Variants in KLRK1 observed in about 807,000 individuals in gnomAD.
KLRK1 encodes the protein NKG2-D type II integral membrane protein.
KLRK1 carries 40 observed loss-of-function variants against 31.3 expected under a neutral mutation model. The observed-to-expected ratio is 1.28, with a 90% CI of 0.99 to 1.67. The LOEUF is 1.67. Ranked by LOEUF, KLRK1 falls within the 40% of genes most tolerant of loss-of-function variation. The pLI is 0.00. For missense variants in KLRK1, 251 were observed against 260.0 expected (o/e 0.97, Z 0.24); for synonymous variants, 77 against 77.3 (o/e 1.00, Z 0.02).
Position 10,373,137 on chromosome 12 carries a change from T to A in KLRK1, c.628A>T (p.Ile210Phe). Residue 210 changes from isoleucine to phenylalanine, a missense_variant, in exon 8 of 8, where the codon ATC becomes TTC. Transcript: ENST00000240618. ...IENCSTPNTY[I>F]CMQRTV ...CTTTACACAGTCCTTTGCATGCAGATGTACGTATTTGGAGTTGAACAGTTT... is the reference window on the plus strand; with the variant it reads ...CTTTACACAGTCCTTTGCATGCAGAAGTACGTATTTGGAGTTGAACAGTTT... The A allele has an allele frequency of 3.1e-6, 5 of 1,612,846 alleles. No homozygotes were observed. The highest frequency in any genetic ancestry group is 4.2e-6 in the Non-Finnish European group (5 of 1,179,506).
At chr12:10,377,251 T>C (rs1344299483) in intron 7 of KLRK1, among the ~76,000 whole-genome samples, 1 of 152,156 alleles carries the variant, frequency 6.6e-6, no homozygotes, top group African/African-American at 2.4e-5. Flanking sequence ...TGGATAACAG[T>C]GTGGCACTTT....
chr12:10,384,372 C>A (rs920907161), intron 3 of KLRK1, among the ~76,000 whole-genome samples: 5 of 151,954 alleles, frequency 3.3e-5, no homozygotes, highest in Admixed American at 6.6e-5. Flanking sequence ...CTACAACAAC[C>A]AAAACAGTAT....
intron 3 of KLRK1, among the ~76,000 whole-genome samples, chr12:10,385,537 A>G (rs1266343128): frequency 6.6e-6 from 1 of 152,062 alleles, no homozygotes; most frequent in African/African-American, 2.4e-5. Flanking sequence ...GTTCTCACTC[A>G]TATGTAGGAG....
In KLRK1 at chr12:10,373,019, T is replaced by G. The variant is rs1862890814; in HGVS notation, c.*95A>C. 1 of 1,090,894 alleles carries G rather than the reference T, an allele frequency of 9.2e-7. No homozygotes were observed. Among genetic ancestry groups the G allele is most frequent in the Non-Finnish European group, 1.4e-6 (1 of 735,702 alleles). The allele number at this position is 1,090,894 out of a possible 1,614,324, so 67.6% of individuals were successfully genotyped here. Reference sequence around the variant, plus strand: ...CTGACAGTCTTTGGTCATTTTGTCCTGTTTTTGTTTGTTTCCTTTAGTCTC... The same window carrying G: ...CTGACAGTCTTTGGTCATTTTGTCCGGTTTTTGTTTGTTTCCTTTAGTCTC... On this transcript the variant is annotated 3_prime_UTR_variant, in exon 8 of 8. Transcript: ENST00000240618.
chr12:10,379,797 CAAAGA>C lies in KLRK1; in HGVS notation c.149-10_149-6del. The C allele has an allele frequency of 6.2e-7, 1 of 1,607,458 alleles. No individual in the cohort carries two copies. The highest frequency in any genetic ancestry group is 8.5e-7 in the Non-Finnish European group (1 of 1,177,372). On this transcript the variant is annotated splice_region_variant and splice_polypyrimidine_tract_variant and intron_variant, in intron 3 of 7. Transcript: ENST00000240618. ...AGCAGAAAAAAAATGGAGATGCTGT[CAAAGA>C]AAAAAGACACAGATCAGAGAAAGAA... is the stretch of plus-strand genomic sequence containing the variant.
At chr12:10,375,211 C>T (rs1329367534) in intron 7 of KLRK1, among the ~76,000 whole-genome samples, 1 of 152,114 alleles carries the variant, frequency 6.6e-6, no homozygotes, top group Non-Finnish European at 1.5e-5. Flanking sequence ...AAAGGTTGTG[C>T]ATTGATCATT....
chr12:10,375,550 T>TA (rs1256652433), intron 7 of KLRK1, among the ~76,000 whole-genome samples: 3 of 152,232 alleles, frequency 2.0e-5, no homozygotes, highest in African/African-American at 7.2e-5. Context: ...TGTGACTTTT[T>TA]ATTACATTGA....
chr12:10,385,993 T>G (rs1863161073), intron 3 of KLRK1, among the ~76,000 whole-genome samples: 1 of 151,988 alleles, frequency 6.6e-6, no homozygotes, highest in South Asian at 2.1e-4. Context: ...GAATTTTTTT[T>G]TTTTTTTTAC....
intron 3 of KLRK1, among the ~76,000 whole-genome samples, chr12:10,380,059 GTTTTTTTTT>G (rs1162094591): frequency 2.4e-5 from 2 of 83,766 alleles, no homozygotes; most frequent in African/African-American, 4.6e-5. Context: ...TGTTGTTATT[GTTTTTTTTT>G]TTTTTTTTTT....
intron 7 of KLRK1, 49 bp from the exon 8 acceptor site, chr12:10,373,280 G>A (rs772077042): frequency 1.4e-6 from 2 of 1,474,748 alleles, no homozygotes; most frequent in South Asian, 2.6e-5. Context: ...ATTAACGCGG[G>A]AAAATAAAAA....
chr12:10,376,424 CAT>C (rs1862967178), intron 7 of KLRK1, among the ~76,000 whole-genome samples: 1 of 151,970 alleles, frequency 6.6e-6, no homozygotes, highest in Non-Finnish European at 1.5e-5. Flanking sequence ...CTAAATGACA[CAT>C]GTAAATAATC....
At chr12:10,381,974 A>C (rs949539447) in intron 3 of KLRK1, 10 of 152,228 alleles carry the variant, frequency 6.6e-5, no homozygotes, top group African/African-American at 2.4e-4. Context: ...ATGGCCCTTG[A>C]TTCCAAACCA....
chr12:10,379,549 T>A (rs1863031892), intron 4 of KLRK1, 67 bp from the exon 5 acceptor site: 1 of 1,314,028 alleles, frequency 7.6e-7, no homozygotes. Context: ...GCAAATATAG[T>A]TTACAAATTT....
chr12:10,388,716 G>T, intron 2 of KLRK1, 55 bp downstream of exon 2: 1 of 1,605,392 alleles, frequency 6.2e-7, no homozygotes, highest in South Asian at 1.1e-5. Context: ...TGAAATTCTT[G>T]GTATCTTAAA....
intron 7 of KLRK1, among the ~76,000 whole-genome samples, chr12:10,373,830 A>C (rs1358789144): frequency 6.6e-6 from 1 of 152,170 alleles, no homozygotes; most frequent in East Asian, 1.9e-4. Context: ...TTTCTTTCAT[A>C]AGAGATGGGA....
At position 10,386,978 on chromosome 12, in the gene KLRK1, G is replaced by A. The variant is rs2137820398; in HGVS notation, c.73C>T (p.Leu25=). 1.2e-6 allele frequency: 2 copies of A among 1,610,992 alleles called. No homozygotes were observed. The highest frequency in any genetic ancestry group is 1.1e-5 in the South Asian group (1 of 90,720). The change falls in exon 3 of 8, where the codon CTG becomes TTG. Residue 25 remains leucine, a synonymous_variant. Transcript: ENST00000240618. ...MSEFHNYNLD[L]KKSDFSTRWQ... is the part of the protein sequence containing the mutation. ...CGTGTTGAAAAATCACTCTTCTTCA[G>A]ATCCAAGTTATAATTATGAAATTCA...
At chr12:10,375,577 A>G (rs1462029760) in intron 7 of KLRK1, among the ~76,000 whole-genome samples, 2 of 152,244 alleles carry the variant, frequency 1.3e-5, no homozygotes, top group Non-Finnish European at 2.9e-5. Flanking sequence ...GGAAATTCAA[A>G]TATCTAAAGT....
At chr12:10,384,767 A>G in intron 3 of KLRK1, among the ~76,000 whole-genome samples, 1 of 152,034 alleles carries the variant, frequency 6.6e-6, no homozygotes, top group East Asian at 1.9e-4. Flanking sequence ...AAACTAACAC[A>G]CTTCTCTACT....
chr12:10,378,294 C>G (rs1863003249), intron 6 of KLRK1, 59 bp from the exon 7 acceptor site: 2 of 1,545,960 alleles, frequency 1.3e-6, no homozygotes, highest in Non-Finnish European at 1.8e-6. Context: ...TTAGTAAACG[C>G]AAGACCATAA....
Sources: allele counts gnomAD v4.1 joint callset (sites outside exome capture counted in the v4.1 genomes callset), GRCh38; gene constraint gnomAD v4.1.1; transcripts MANE v1.5; gene names NCBI Gene and HGNC (gene_info 2026-07-23, HGNC 2026-07-21).